The following CACNG2 variants were observed in gnomAD, a reference collection of about 807,000 sequenced individuals.
CACNG2 encodes the protein calcium voltage-gated channel auxiliary subunit gamma 2.
In CACNG2, 3 loss-of-function variants were observed where a neutral mutation model predicts 25.9. That is an observed-to-expected ratio of 0.12 (90% CI 0.05 to 0.30). The LOEUF (loss-of-function observed/expected upper bound fraction) is 0.30. CACNG2 is among the 10% of genes least tolerant of loss of function. CACNG2 has a pLI of 1.00. For missense variants in CACNG2, 341 were observed against 432.5 expected (o/e 0.79, Z 1.88); for synonymous variants, 167 against 173.3 (o/e 0.96, Z 0.29).
At chr22:36,569,352 C>G (rs1431850782) in intron 2 of CACNG2, among the ~76,000 whole-genome samples, 1 of 152,144 alleles carries the variant, frequency 6.6e-6, no homozygotes, top group Non-Finnish European at 1.5e-5. Context: ...ACCAGCTCAA[C>G]TTTTGGAGCA....
intron 1 of CACNG2, among the ~76,000 whole-genome samples, chr22:36,622,537 G>T (rs1936121396): frequency 6.6e-6 from 1 of 152,240 alleles, no homozygotes; most frequent in African/African-American, 2.4e-5. Flanking sequence ...AAGCCATCTT[G>T]TGGGAACAGA....
chr22:36,699,784 C>G (rs1937387900), intron 1 of CACNG2, among the ~76,000 whole-genome samples: 1 of 152,228 alleles, frequency 6.6e-6, no homozygotes, highest in African/African-American at 2.4e-5. Context: ...AGCAAGCACA[C>G]TGACAGCCCC....
chr22:36,659,058 C>A (rs1041785290), intron 1 of CACNG2, among the ~76,000 whole-genome samples: 3 of 152,150 alleles, frequency 2.0e-5, no homozygotes, highest in African/African-American at 7.2e-5. Context: ...GGAGGAAATA[C>A]CACATTACAC....
intron 1 of CACNG2, among the ~76,000 whole-genome samples, chr22:36,594,983 G>C (rs1935656157): frequency 6.6e-6 from 1 of 151,176 alleles, no homozygotes; most frequent in Non-Finnish European, 1.5e-5. Flanking sequence ...AATGCCTACT[G>C]TGTGCTCACT....
In CACNG2 at chr22:36,564,382, T is replaced by C. The variant is rs776372258; in HGVS notation, c.941A>G (p.Asn314Ser). 6.2e-7 allele frequency: 1 copy of C among 1,613,284 alleles called. No individual in the cohort carries two copies. Among genetic ancestry groups the C allele is most frequent in the Admixed American group, 1.7e-5 (1 of 59,970 alleles). ...GGGGGTGGTCCGGCGGTTGGCTGTG[T>C]TGGAGTGGAGAGAGTCCTTGTTCTC... Reference protein sequence around the residue: ...QKENKDSLHSNTANRRTTPV With the variant: ...QKENKDSLHSSTANRRTTPV Residue 314 changes from asparagine to serine, a missense_variant, in exon 4 of 4, where the codon AAC (asparagine) becomes AGC (serine). By Grantham distance (46) the Asn-to-Ser change is conservative. Transcript: ENST00000300105. This position sits in a 1 kb window ranked among gnomAD's most constrained non-coding sequence, Gnocchi z 6.7.
intron 1 of CACNG2, among the ~76,000 whole-genome samples, chr22:36,639,958 C>T (rs373357462): frequency 1.3e-5 from 2 of 152,134 alleles, no homozygotes; most frequent in Non-Finnish European, 2.9e-5. Context: ...CAGTGTCTCC[C>T]GAGTTCCTGT....
In CACNG2 at chr22:36,571,380, C is replaced by T. The variant is rs1017604153; in HGVS notation, c.296-4887G>A. ...GCTGAGGCAGGAGAACCGCTTGAACCCGGGAGGCAGAGGTTGCAGTAAACT... is the reference window on the plus strand; with the variant it reads ...GCTGAGGCAGGAGAACCGCTTGAACTCGGGAGGCAGAGGTTGCAGTAAACT... On this transcript the variant is annotated intron_variant, in intron 2 of 3. Coordinates refer to ENST00000300105, the MANE Select transcript of CACNG2 (RefSeq NM_006078.5). Among the ~76,000 whole-genome samples, 13 of 151,296 alleles carry T rather than the reference C, an allele frequency of 8.6e-5. No homozygotes were observed. The South Asian group carries it at 1.1e-3, about 12-fold the overall frequency.
chr22:36,694,771 G>C (rs370405511), intron 1 of CACNG2, among the ~76,000 whole-genome samples: 60 of 152,314 alleles, frequency 3.9e-4, no homozygotes, highest in African/African-American at 1.4e-3. Context: ...GTTTCACAAA[G>C]GGTGGGCACC....
intron 2 of CACNG2, among the ~76,000 whole-genome samples, chr22:36,570,844 A>G (rs1935213939): frequency 6.6e-6 from 1 of 151,528 alleles, no homozygotes; most frequent in Non-Finnish European, 1.5e-5. Flanking sequence ...GGCAGGGCCC[A>G]GATCCAGGTG....
At chr22:36,689,233 A>T (rs1210290799) in intron 1 of CACNG2, among the ~76,000 whole-genome samples, 1 of 152,176 alleles carries the variant, frequency 6.6e-6, no homozygotes, top group Non-Finnish European at 1.5e-5. Flanking sequence ...CTGACACCCA[A>T]AAAACATTTA....
chr22:36,691,654 G>C (rs1268251192), intron 1 of CACNG2, among the ~76,000 whole-genome samples: 1 of 152,180 alleles, frequency 6.6e-6, no homozygotes, highest in Non-Finnish European at 1.5e-5. Context: ...TCTGCCATTT[G>C]CTGTGTGACC....
At chr22:36,570,215 C>G (rs897712009) in intron 2 of CACNG2, among the ~76,000 whole-genome samples, 1 of 152,128 alleles carries the variant, frequency 6.6e-6, no homozygotes, top group Admixed American at 6.5e-5. Flanking sequence ...GGGATGCATG[C>G]GTGTGGGCAG....
At chr22:36,612,328 T>G (rs1052186413) in intron 1 of CACNG2, among the ~76,000 whole-genome samples, 8 of 152,182 alleles carry the variant, frequency 5.3e-5, no homozygotes, top group African/African-American at 1.9e-4. Flanking sequence ...TTATGCATAG[T>G]AGGGATTCAT....
intron 1 of CACNG2, among the ~76,000 whole-genome samples, chr22:36,594,682 C>CGTGTGTGTCTGT (rs573436381): frequency 1.3e-5 from 2 of 151,592 alleles, no homozygotes; most frequent in African/African-American, 4.8e-5. Flanking sequence ...TGTATGCCCG[C>CGTGTGTGTCTGT]GTGTGTGTCT....
chr22:36,639,855 C>G (rs1936416318), intron 1 of CACNG2, among the ~76,000 whole-genome samples: 1 of 152,196 alleles, frequency 6.6e-6, no homozygotes. Flanking sequence ...GATGGGAACC[C>G]TGAGGCCCTG....
intron 1 of CACNG2, among the ~76,000 whole-genome samples, chr22:36,621,978 T>C (rs1936112703): frequency 6.6e-6 from 1 of 152,268 alleles, no homozygotes; most frequent in African/African-American, 2.4e-5. Context: ...AGGTGACATT[T>C]ACTGAGTGCT....
chr22:36,581,728 G>A (rs1446930568), intron 2 of CACNG2, among the ~76,000 whole-genome samples: 1 of 152,122 alleles, frequency 6.6e-6, no homozygotes, highest in Admixed American at 6.5e-5. Flanking sequence ...CTCTCTCTGT[G>A]CCACTCCCTC....
rs548611388 is a variant in CACNG2, at chr22:36,611,839, C to T, written c.212-24291G>A. ...AATTCCAGCCTGTAAAAATGATAGC[C>T]GTCTCGGGGACAAGGGAGTAGAGAC... is the stretch of plus-strand genomic sequence containing the variant. On this transcript the variant is annotated intron_variant, in intron 1 of 3. Coordinates refer to ENST00000300105, the MANE Select transcript of CACNG2 (RefSeq NM_006078.5). Among the ~76,000 whole-genome samples, 12 of 152,264 alleles carry T rather than the reference C, an allele frequency of 7.9e-5. No homozygotes were observed. The East Asian group carries it at 1.7e-3, about 22-fold the overall frequency.
At chr22:36,642,457 A>C (rs1311486853) in intron 1 of CACNG2, among the ~76,000 whole-genome samples, 1 of 152,170 alleles carries the variant, frequency 6.6e-6, no homozygotes, top group Non-Finnish European at 1.5e-5. Context: ...TCCCAGGGGA[A>C]TTTCCTCATT....
Sources: allele counts gnomAD v4.1 joint callset (sites outside exome capture counted in the v4.1 genomes callset), GRCh38; gene constraint gnomAD v4.1.1; non-coding constraint Gnocchi (gnomAD v3.1); transcripts MANE v1.5; gene names NCBI Gene and HGNC (gene_info 2026-07-23, HGNC 2026-07-21).